The following EFL1 variants were observed in gnomAD, a reference collection of about 807,000 sequenced individuals.
EFL1 encodes the protein elongation factor-like GTPase 1.
Under a neutral mutation model 126.7 loss-of-function variants are expected in EFL1, and 76 were observed. That is an observed-to-expected ratio of 0.60 (90% CI 0.50 to 0.73). The LOEUF is 0.73. Among genes scored for constraint, EFL1 ranks in the 30% least tolerant of loss-of-function variants. The pLI is 0.00. For synonymous variants in EFL1, 410 were observed against 448.4 expected (o/e 0.91, Z 1.08); for missense variants, 1,128 against 1,343.2 (o/e 0.84, Z 2.50).
At chr15:82,230,995 G>A (rs1443358853) in intron 7 of EFL1, 24 bp from the exon 8 acceptor site, 2 of 1,605,548 alleles carry the variant, frequency 1.2e-6, no homozygotes, top group African/African-American at 1.3e-5. Flanking sequence ...AAATGTTCAT[G>A]TTATTAATAA....
At chr15:82,155,568 T>C (rs2073959143) in intron 17 of EFL1, among the ~76,000 whole-genome samples, 1 of 152,142 alleles carries the variant, frequency 6.6e-6, no homozygotes, top group Non-Finnish European at 1.5e-5. Context: ...TTGCCTAGCT[T>C]TGTGTTGTGT....
At chr15:82,139,933 A>G (rs894045947) in intron 18 of EFL1, among the ~76,000 whole-genome samples, 1 of 152,200 alleles carries the variant, frequency 6.6e-6, no homozygotes, top group African/African-American at 2.4e-5. Flanking sequence ...ACACAAAGCC[A>G]AAATGTCTGA....
intron 9 of EFL1, among the ~76,000 whole-genome samples, chr15:82,228,559 C>T (rs2074788497): frequency 6.6e-6 from 1 of 152,196 alleles, no homozygotes; most frequent in Admixed American, 6.5e-5. Context: ...TCCACCATCT[C>T]CTCAAGCAAG....
chr15:82,171,372 A>G (rs1009580307), intron 15 of EFL1, among the ~76,000 whole-genome samples: 1 of 152,222 alleles, frequency 6.6e-6, no homozygotes, highest in African/African-American at 2.4e-5. Context: ...GTTAGACAAC[A>G]GATCAATGGG....
chr15:82,230,696 G>A (rs547272333), intron 8 of EFL1, 152 bp downstream of exon 8: 1 of 844,208 alleles, frequency 1.2e-6, no homozygotes, highest in African/African-American at 1.8e-5. Context: ...ATATGGACTT[G>A]TAAGCCTTTC....
chr15:82,241,477 A>G (rs2074930842), intron 4 of EFL1, 74 bp from the exon 5 acceptor site: 5 of 1,504,948 alleles, frequency 3.3e-6, no homozygotes, highest in Non-Finnish European at 4.4e-6. Context: ...GTTCTAGAAT[A>G]AGAAAGCTGA....
Position 82,238,384 on chromosome 15 carries a change from T to G in EFL1, c.654A>C (p.Thr218=). The G allele has an allele frequency of 6.2e-7, 1 of 1,614,232 alleles. No homozygotes were observed. Among genetic ancestry groups the G allele is most frequent in the Non-Finnish European group, 8.5e-7 (1 of 1,180,034 alleles). Residue 218 remains threonine (T), a synonymous_variant, in exon 7 of 20, where the codon ACA becomes ACC. Coordinates refer to ENST00000268206, the MANE Select transcript of EFL1 (RefSeq NM_024580.6). ...GAGAGAAGTAAAGGTGAGAATCATC[T>G]GTGTCCTCCAAGCCAGTGCTCCAGT... The part of the protein sequence containing the change: ...VYDWSTGLED[T]DDSHLYFSPE...
intron 15 of EFL1, among the ~76,000 whole-genome samples, chr15:82,195,527 AC>A (rs1248978633): frequency 6.6e-6 from 1 of 152,244 alleles, no homozygotes; most frequent in African/African-American, 2.4e-5. Context: ...GCTGGTGGCC[AC>A]ATCCTAGAAA....
At chr15:82,189,159 A>T (rs149454741) in intron 15 of EFL1, among the ~76,000 whole-genome samples, 344 of 152,318 alleles carry the variant, frequency 2.3e-3, no homozygotes, top group African/African-American at 7.8e-3. Flanking sequence ...TACTATACAC[A>T]ATTTTAAGAC....
chr15:82,159,478 T>A (rs1021178813), intron 16 of EFL1, among the ~76,000 whole-genome samples: 1 of 152,064 alleles, frequency 6.6e-6, no homozygotes, highest in Non-Finnish European at 1.5e-5. Flanking sequence ...AAAAGTTTTT[T>A]TTTTTTTTTC....
intron 4 of EFL1, among the ~76,000 whole-genome samples, chr15:82,243,666 TCAGGCTTCCTATACAA>T (rs201916157): frequency 0.085 from 9,226 of 108,434 alleles, 422 homozygotes; most frequent in Middle Eastern, 0.16. Flanking sequence ...TACAGACATT[TCAGGCTTCCTATACAA>T]CAGTGCTCTT....
Position 82,227,448 on chromosome 15 carries a change from A to G in EFL1, c.1192+2T>C. 1 of 1,614,116 alleles carries G rather than the reference A, an allele frequency of 6.2e-7. No individual in the cohort carries two copies. Among genetic ancestry groups the G allele is most frequent in the Non-Finnish European group, 8.5e-7 (1 of 1,179,972 alleles). On this transcript the variant is annotated splice_donor_variant, in intron 11 of 19. Transcript: ENST00000268206. LOFTEE classifies it high-confidence loss of function. ...TATTCCAACAGGTCCATCTTTCCTCACCTGCTTTCAGTGCTTGAGTTTCTG... is the reference window on the plus strand; with the variant it reads ...TATTCCAACAGGTCCATCTTTCCTCGCCTGCTTTCAGTGCTTGAGTTTCTG...
intron 15 of EFL1, among the ~76,000 whole-genome samples, chr15:82,198,834 C>A (rs2074437077): frequency 6.6e-6 from 1 of 152,152 alleles, no homozygotes; most frequent in Non-Finnish European, 1.5e-5. Context: ...GCCTTATTTA[C>A]TAGTTTGCGA....
chr15:82,194,402 T>C (rs2074388977), intron 15 of EFL1, among the ~76,000 whole-genome samples: 1 of 152,146 alleles, frequency 6.6e-6, no homozygotes, highest in African/African-American at 2.4e-5. Context: ...CTTAAATTGC[T>C]AGGACACAAA....
intron 15 of EFL1, among the ~76,000 whole-genome samples, chr15:82,206,195 T>A (rs2074522802): frequency 6.6e-6 from 1 of 152,138 alleles, no homozygotes; most frequent in South Asian, 2.1e-4. Context: ...CATAAATGAT[T>A]TCCTTTGAGA....
chr15:82,220,286 C>T (rs2074698061), intron 12 of EFL1, 57 bp from the exon 13 acceptor site: 1 of 1,514,562 alleles, frequency 6.6e-7, no homozygotes, highest in Non-Finnish European at 8.8e-7. Flanking sequence ...AGGGAAACAG[C>T]AAGCATTGAC....
intron 18 of EFL1, among the ~76,000 whole-genome samples, chr15:82,144,033 GTCCAGGA>G (rs2073816531): frequency 1.3e-5 from 2 of 152,192 alleles, no homozygotes; most frequent in Non-Finnish European, 1.5e-5. Context: ...CCAACCAAGT[GTCCAGGA>G]TTTGAGAGGT....
intron 15 of EFL1, among the ~76,000 whole-genome samples, chr15:82,209,540 T>C (rs554228147): frequency 5.3e-5 from 8 of 152,246 alleles, no homozygotes; most frequent in Admixed American, 1.3e-4. Flanking sequence ...AAGGAGTATA[T>C]GAAAAGGCTA....
At chr15:82,177,559 G>T (rs2074207535) in intron 15 of EFL1, among the ~76,000 whole-genome samples, 1 of 152,174 alleles carries the variant, frequency 6.6e-6, no homozygotes, top group Non-Finnish European at 1.5e-5. Flanking sequence ...TCTGGCTCCT[G>T]ACATTGTGGT....
Sources: gnomAD v4.1 joint callset for allele counts (sites outside exome capture counted in the v4.1 genomes callset) on GRCh38, gnomAD v4.1.1 for gene constraint, MANE v1.5 for transcripts, NCBI Gene and HGNC (gene_info 2026-07-23, HGNC 2026-07-21) for gene names.